The following SNX24 variants were observed in gnomAD, a reference collection of about 807,000 sequenced individuals.
The protein encoded by SNX24 is sorting nexin-24.
A neutral mutation model predicts 28.7 loss-of-function variants in SNX24; 22 were observed. The ratio of observed to expected loss-of-function variants is 0.77; its 90% CI spans 0.55 to 1.10. The LOEUF is 1.10. Ranked by LOEUF, SNX24 falls within the 50% of genes least tolerant of loss-of-function variation. The probability of loss-of-function intolerance (pLI) is 0.00; values close to 1 mark genes in which losing one functional copy is unlikely to be tolerated. For missense variants in SNX24, 221 were observed against 201.1 expected, an observed-to-expected ratio of 1.10 and a Z score of -0.60; for synonymous variants, 69 against 71.5, an observed-to-expected ratio of 0.96 and a Z score of 0.18.
In SNX24 at chr5:122,875,155, A is replaced by G. The variant is rs568284483; in HGVS notation, c.60+29462A>G. ...ATAGAAATTTCAGTATGGCAAAGGGATTTTGGGTTTATAGAGGTGAATTAG... is the reference window on the plus strand; with the variant it reads ...ATAGAAATTTCAGTATGGCAAAGGGGTTTTGGGTTTATAGAGGTGAATTAG... On this transcript the variant is annotated intron_variant, in intron 1 of 6. Transcript: ENST00000261369. 2.6e-5 allele frequency among the ~76,000 whole-genome samples: 4 copies of G among 152,258 alleles called. No homozygotes were observed. The East Asian group carries it at 7.7e-4, about 29-fold the overall frequency.
At chr5:123,009,247 G>A, downstream of SNX24, 1 of 983,408 alleles carries the variant, frequency 1.0e-6, no homozygotes, top group Non-Finnish European at 1.2e-6. Flanking sequence ...TGGAAACATG[G>A]TTTGTATCTG....
At chr5:122,859,303 C>G (rs1026904618) in intron 1 of SNX24, among the ~76,000 whole-genome samples, 5 of 152,046 alleles carry the variant, frequency 3.3e-5, no homozygotes, top group Admixed American at 3.3e-4. Flanking sequence ...AGATCCTGTT[C>G]CCCCAACAAA....
chr5:122,975,950 A>G (rs2150152028), intron 3 of SNX24, among the ~76,000 whole-genome samples: 1 of 152,314 alleles, frequency 6.6e-6, no homozygotes, highest in Non-Finnish European at 1.5e-5. Flanking sequence ...TCTGTCTTAC[A>G]ATTATTCTTA....
downstream of SNX24, among the ~76,000 whole-genome samples, chr5:123,012,255 A>G (rs1327738588): frequency 6.6e-6 from 1 of 152,210 alleles, no homozygotes; most frequent in Non-Finnish European, 1.5e-5. Flanking sequence ...GGACTAATAC[A>G]TATATTCATG....
At position 123,000,004 on chromosome 5, in the gene SNX24, T is replaced by A. The variant is rs761645310; in HGVS notation, c.342T>A (p.Cys114Ter). Reference protein sequence around the residue: ...HLPSLPKAESCGSFDETESEE... With the variant: ...HLPSLPKAES Reference sequence around the variant, plus strand: ...CCTCTCTACCAAAGGCAGAAAGTTGTGGGTAAGAATCATGTTTGCATATTG... The same window carrying A: ...CCTCTCTACCAAAGGCAGAAAGTTGAGGGTAAGAATCATGTTTGCATATTG... Residue 114 changes from cysteine (C) to a stop codon, truncating the protein, a stop_gained and splice_region_variant, in exon 4 of 7, where the codon TGT (cysteine) becomes TGA (stop). Coordinates refer to ENST00000261369, the MANE Select transcript of SNX24 (RefSeq NM_014035.4). LOFTEE classifies it high-confidence loss of function. 1 of 1,586,744 alleles carries A rather than the reference T, an allele frequency of 6.3e-7. No homozygotes were observed. Among genetic ancestry groups the A allele is most frequent in the Non-Finnish European group, 8.7e-7 (1 of 1,155,156 alleles).
At chr5:122,953,926 C>T (rs746739477) in intron 3 of SNX24, among the ~76,000 whole-genome samples, 2 of 152,052 alleles carry the variant, frequency 1.3e-5, no homozygotes, top group Admixed American at 6.5e-5. Flanking sequence ...AGAACACTTC[C>T]GAAGCTAGAG....
At chr5:122,992,366 G>A (rs1446876182) in intron 3 of SNX24, among the ~76,000 whole-genome samples, 3 of 152,060 alleles carry the variant, frequency 2.0e-5, no homozygotes, top group Non-Finnish European at 2.9e-5. Flanking sequence ...TGACTCCCAA[G>A]TCTACAGAGA....
intron 1 of SNX24, among the ~76,000 whole-genome samples, chr5:122,883,429 A>C (rs1220469476): frequency 6.6e-6 from 1 of 152,200 alleles, no homozygotes; most frequent in Non-Finnish European, 1.5e-5. Flanking sequence ...GAAATGAACA[A>C]ATGGCATATC....
intron 3 of SNX24, among the ~76,000 whole-genome samples, chr5:122,960,618 T>C (rs1760449901): frequency 6.6e-6 from 1 of 152,200 alleles, no homozygotes; most frequent in Admixed American, 6.5e-5. Context: ...TTAAGTCCTG[T>C]GCAGACCCCC....
At chr5:122,969,238 C>T (rs1760846720) in intron 3 of SNX24, among the ~76,000 whole-genome samples, 1 of 152,114 alleles carries the variant, frequency 6.6e-6, no homozygotes, top group Non-Finnish European at 1.5e-5. Context: ...CAGAATGTGT[C>T]CACCTCTTGC....
At chr5:122,937,205 T>C (rs1456347013) in intron 2 of SNX24, among the ~76,000 whole-genome samples, 1 of 152,222 alleles carries the variant, frequency 6.6e-6, no homozygotes, top group South Asian at 2.1e-4. Context: ...TAAAGTCAAC[T>C]TATACTTACA....
chr5:122,913,053 C>A, intron 1 of SNX24, among the ~76,000 whole-genome samples: 1 of 152,160 alleles, frequency 6.6e-6, no homozygotes, highest in Non-Finnish European at 1.5e-5. Context: ...TCAACAGGAT[C>A]CCAAGGCAGA....
At chr5:122,869,574 G>C (rs1425982334) in intron 1 of SNX24, among the ~76,000 whole-genome samples, 2 of 152,124 alleles carry the variant, frequency 1.3e-5, no homozygotes, top group Non-Finnish European at 2.9e-5. Context: ...ATATTATCCT[G>C]AAATTTCTTC....
downstream of SNX24, among the ~76,000 whole-genome samples, chr5:123,013,082 T>A (rs570166823): frequency 2.0e-5 from 3 of 152,320 alleles, no homozygotes; most frequent in African/African-American, 4.8e-5. Context: ...GTGTTTGTTA[T>A]ATGAGGTCAC....
intron 1 of SNX24, among the ~76,000 whole-genome samples, chr5:122,868,974 ATAAATATAAAATG>A (rs1307137432): frequency 6.6e-6 from 1 of 152,260 alleles, no homozygotes; most frequent in African/African-American, 2.4e-5. Flanking sequence ...TTTTGTTCAG[ATAAATATAAAATG>A]AGAAACGTTT....
chr5:122,988,079 C>T (rs1761680247), intron 3 of SNX24, among the ~76,000 whole-genome samples: 1 of 152,138 alleles, frequency 6.6e-6, no homozygotes, highest in South Asian at 2.1e-4. Context: ...TTCCAGGACA[C>T]GGTTGGAACA....
intron 1 of SNX24, among the ~76,000 whole-genome samples, chr5:122,887,783 A>C (rs1756781865): frequency 6.6e-6 from 1 of 152,104 alleles, no homozygotes; most frequent in African/African-American, 2.4e-5. Context: ...GCTCACTGCA[A>C]CCTCTGCCTC....
intron 5 of SNX24, among the ~76,000 whole-genome samples, chr5:123,014,587 C>T (rs1762649709): frequency 6.6e-6 from 1 of 152,060 alleles, no homozygotes; most frequent in African/African-American, 2.4e-5. Flanking sequence ...TTGATTAAAC[C>T]AAGCTCCATG....
intron 1 of SNX24, among the ~76,000 whole-genome samples, chr5:122,890,492 C>T (rs1653690227): frequency 7.0e-6 from 1 of 142,380 alleles, no homozygotes; most frequent in South Asian, 2.2e-4. Context: ...TTTTTTGACA[C>T]GGAATCTCAC....
Sources: allele counts gnomAD v4.1 joint callset (sites outside exome capture counted in the v4.1 genomes callset), GRCh38; gene constraint gnomAD v4.1.1; transcripts MANE v1.5; gene names NCBI Gene and HGNC (gene_info 2026-07-23, HGNC 2026-07-21).